SPOCK3: variants seen among roughly 807,000 people sequenced by gnomAD.
SPOCK3 encodes SPARC (osteonectin), cwcv and kazal like domains proteoglycan 3.
A neutral mutation model predicts 56.6 loss-of-function variants in SPOCK3; 30 were observed. The ratio of observed to expected loss-of-function variants is 0.53; its 90% CI spans 0.40 to 0.72. SPOCK3 has a LOEUF of 0.72. Among genes scored for constraint, SPOCK3 ranks in the 30% least tolerant of loss-of-function variants. SPOCK3 has a pLI of 0.00. For missense variants in SPOCK3, 527 were observed against 530.0 expected (o/e 0.99, Z 0.06); for synonymous variants, 196 against 183.3 (o/e 1.07, Z -0.56).
chr4:167,011,669 G>A (rs1196723247), intron 3 of SPOCK3, among the ~76,000 whole-genome samples: 1 of 152,058 alleles, frequency 6.6e-6, no homozygotes, highest in Non-Finnish European at 1.5e-5. Context: ...GAGCTTTAAG[G>A]AGATGAATAC....
chr4:167,059,945 T>G (rs1247740425), intron 3 of SPOCK3, among the ~76,000 whole-genome samples: 1 of 150,074 alleles, frequency 6.7e-6, no homozygotes, highest in Admixed American at 6.7e-5. Flanking sequence ...AGGTGGGAAT[T>G]GAACAATGCG....
chr4:167,137,314 T>C (rs1361809727), intron 2 of SPOCK3, among the ~76,000 whole-genome samples: 4 of 151,958 alleles, frequency 2.6e-5, no homozygotes, highest in Non-Finnish European at 4.4e-5. Context: ...TTCTCATCCA[T>C]GGGATCTAGT....
At chr4:167,186,785 T>C (rs1732008738) in intron 2 of SPOCK3, among the ~76,000 whole-genome samples, 1 of 151,928 alleles carries the variant, frequency 6.6e-6, no homozygotes, top group Non-Finnish European at 1.5e-5. Context: ...AAGACCAGAC[T>C]GGCCAACATG....
At chr4:166,954,460 C>T (rs377385089) in intron 4 of SPOCK3, among the ~76,000 whole-genome samples, 6 of 151,770 alleles carry the variant, frequency 4.0e-5, no homozygotes, top group Non-Finnish European at 7.4e-5. Context: ...AGTCTTTATC[C>T]CATTTAAGTT....
At chr4:167,194,233 A>G (rs1337661236) in intron 2 of SPOCK3, among the ~76,000 whole-genome samples, 1 of 144,994 alleles carries the variant, frequency 6.9e-6, no homozygotes, top group East Asian at 2.1e-4. Context: ...GTATTTTTCA[A>G]TTCTAGAATT....
intron 2 of SPOCK3, among the ~76,000 whole-genome samples, chr4:167,098,662 GT>G (rs201169786): frequency 3.2e-4 from 48 of 149,818 alleles, no homozygotes; most frequent in Admixed American, 1.9e-3. Flanking sequence ...TTCCAACCTT[GT>G]TTTTTTTTCT....
chr4:166,840,771 GTTT>G (rs70955697), intron 6 of SPOCK3, among the ~76,000 whole-genome samples: 13 of 68,172 alleles, frequency 1.9e-4, no homozygotes, highest in East Asian at 1.7e-3. Context: ...AGAAGCAAAA[GTTT>G]TTTTTTTTTT....
intron 4 of SPOCK3, among the ~76,000 whole-genome samples, chr4:166,995,617 T>C (rs958471880): frequency 3.9e-5 from 6 of 151,962 alleles, no homozygotes; most frequent in Admixed American, 3.3e-4. Flanking sequence ...CAATTATGCT[T>C]CTATAGAACT....
intron 6 of SPOCK3, among the ~76,000 whole-genome samples, chr4:166,873,337 A>G (rs78517085): frequency 2.6e-5 from 4 of 152,168 alleles, no homozygotes; most frequent in African/African-American, 9.7e-5. Flanking sequence ...TTGTCATTAT[A>G]AATTTCTCCA....
rs557395913 is a variant in SPOCK3, at chr4:167,046,350, A to G, written c.235+16142T>C. ...TCTTGGTGTTCCCTGAGCTTCCTGC[A>G]TCAGTGCTTGTTGTCTGACACAAAT... is the stretch of plus-strand genomic sequence containing the variant. On this transcript the variant is annotated intron_variant, in intron 3 of 10. Coordinates refer to ENST00000357545, the MANE Select transcript of SPOCK3 (RefSeq NM_001040159.2). 7.3e-5 allele frequency among the ~76,000 whole-genome samples: 11 copies of G among 150,746 alleles called. No individual in the cohort carries two copies. In the South Asian group the frequency reaches 2.3e-3, roughly 31 times the overall value.
chr4:166,936,157 T>C (rs1384485801), intron 4 of SPOCK3, among the ~76,000 whole-genome samples: 2 of 152,180 alleles, frequency 1.3e-5, no homozygotes, highest in African/African-American at 4.8e-5. Context: ...CAAACTGGCT[T>C]ATTTTCTTAG....
chr4:166,852,248 GTAAC>G (rs950953263), intron 6 of SPOCK3, among the ~76,000 whole-genome samples: 3 of 151,978 alleles, frequency 2.0e-5, no homozygotes, highest in African/African-American at 7.2e-5. Context: ...GTATACATAT[GTAAC>G]TAACCTGCAC....
intron 6 of SPOCK3, among the ~76,000 whole-genome samples, chr4:166,818,587 T>C (rs142450974): frequency 5.7e-4 from 86 of 152,092 alleles, no homozygotes; most frequent in African/African-American, 2.0e-3. Context: ...AAACATCATA[T>C]CTAGTAATTT....
chr4:167,076,344 G>C (rs1195367810), intron 2 of SPOCK3, among the ~76,000 whole-genome samples: 2 of 151,794 alleles, frequency 1.3e-5, no homozygotes, highest in African/African-American at 4.8e-5. Context: ...GTAACAAAGT[G>C]TGATCACTCT....
chr4:167,202,636 T>C (rs1455969479), intron 2 of SPOCK3, among the ~76,000 whole-genome samples: 5 of 146,666 alleles, frequency 3.4e-5, no homozygotes, highest in African/African-American at 1.1e-4. Context: ...TTACAAACCA[T>C]GTTGCCAATC....
chr4:166,781,749 A>G (rs1337055788), intron 7 of SPOCK3, among the ~76,000 whole-genome samples: 4 of 152,124 alleles, frequency 2.6e-5, no homozygotes, highest in African/African-American at 9.6e-5. Context: ...CAAACTGTTT[A>G]AAGAGTGATG....
chr4:167,085,952 G>C (rs1758158126), intron 2 of SPOCK3, among the ~76,000 whole-genome samples: 1 of 152,016 alleles, frequency 6.6e-6, no homozygotes, highest in Non-Finnish European at 1.5e-5. Flanking sequence ...AAACTACCCA[G>C]ATTACAATGG....
At chr4:167,166,025 G>C (rs1428837188) in intron 2 of SPOCK3, among the ~76,000 whole-genome samples, 1 of 152,020 alleles carries the variant, frequency 6.6e-6, no homozygotes, top group Non-Finnish European at 1.5e-5. Flanking sequence ...TAAACTCTAA[G>C]ATGGATGACA....
intron 4 of SPOCK3, among the ~76,000 whole-genome samples, chr4:166,966,745 C>T (rs1040977486): frequency 1.6e-4 from 25 of 152,098 alleles, no homozygotes; most frequent in African/African-American, 5.8e-4. Context: ...AATGCAAACA[C>T]ATTATTATTA....
Sources: allele counts gnomAD v4.1 joint callset (sites outside exome capture counted in the v4.1 genomes callset), GRCh38; gene constraint gnomAD v4.1.1; transcripts MANE v1.5; gene names NCBI Gene and HGNC (gene_info 2026-07-23, HGNC 2026-07-21).